LURAP1L: variants seen among roughly 807,000 people sequenced by gnomAD.
LURAP1L encodes the protein leucine rich adaptor protein 1-like.
In LURAP1L, 12 loss-of-function variants were observed where a neutral mutation model predicts 13.8. The observed-to-expected ratio is 0.87, with a 90% CI of 0.56 to 1.41. LURAP1L has a LOEUF of 1.41. LURAP1L is among the 40% of genes most tolerant of loss of function. The pLI, the probability that LURAP1L is intolerant of heterozygous loss-of-function variation, is 0.00. For missense variants in LURAP1L, 375 were observed against 292.9 expected, an observed-to-expected ratio of 1.28 and a Z score of -2.04; for synonymous variants, 139 against 119.2, an observed-to-expected ratio of 1.17 and a Z score of -1.08.
chr9:12,800,006 A>C (rs1819562740), intron 1 of LURAP1L, among the ~76,000 whole-genome samples: 1 of 152,152 alleles, frequency 6.6e-6, no homozygotes. Flanking sequence ...ATATTATCTC[A>C]CATAGTTAAC....
At chr9:12,816,718 A>G (rs1003254934) in intron 1 of LURAP1L, among the ~76,000 whole-genome samples, 1 of 152,216 alleles carries the variant, frequency 6.6e-6, no homozygotes. Flanking sequence ...ATGACATGAA[A>G]TCTCAACATT....
At chr9:12,776,070 G>C in intron 1 of LURAP1L, 43 bp downstream of exon 1, 4 of 1,584,780 alleles carry the variant, frequency 2.5e-6, no homozygotes, top group East Asian at 2.2e-5. Flanking sequence ...ACCTGGGCTG[G>C]GCCAAAAGAT....
In LURAP1L at chr9:12,783,072, C is replaced by A. The variant is rs147784835; in HGVS notation, c.312+7045C>A. On this transcript the variant is annotated intron_variant, in intron 1 of 1. Transcript: ENST00000319264. ...TTTATGTTAATTTTGTATCCTACAACTTTACTCAACTTATCAGTTCTAATG... is the reference window on the plus strand; with the variant it reads ...TTTATGTTAATTTTGTATCCTACAAATTTACTCAACTTATCAGTTCTAATG... 2.4e-4 allele frequency among the ~76,000 whole-genome samples: 36 copies of A among 152,090 alleles called. No individual in the cohort carries two copies. In the East Asian group the frequency reaches 6.8e-3, roughly 29 times the overall value.
At position 12,814,031 on chromosome 9, in the gene LURAP1L, G is replaced by A. The variant is rs532371999; in HGVS notation, c.313-7355G>A. Among the ~76,000 whole-genome samples the A allele has an allele frequency of 4.6e-5, 7 of 152,300 alleles. No homozygotes were observed. In the South Asian group the frequency reaches 1.0e-3, roughly 23 times the overall value. On this transcript the variant is annotated intron_variant, in intron 1 of 1. Coordinates refer to ENST00000319264, the MANE Select transcript of LURAP1L (RefSeq NM_203403.2). ...TGTATATTTTATTATTATCTGTCAA[G>A]TGTGTGTTATACATCTTCTATATCA...
chr9:12,780,918 CAT>C (rs1291233209), intron 1 of LURAP1L, among the ~76,000 whole-genome samples: 2 of 152,096 alleles, frequency 1.3e-5, no homozygotes, highest in South Asian at 2.1e-4. Context: ...AGCCATTTAT[CAT>C]ATCTTTGTGT....
chr9:12,803,037 A>T (rs1401934877), intron 1 of LURAP1L, among the ~76,000 whole-genome samples: 2 of 152,142 alleles, frequency 1.3e-5, no homozygotes, highest in Non-Finnish European at 2.9e-5. Flanking sequence ...GCATTACCAC[A>T]TACTGTCTGT....
intron 1 of LURAP1L, among the ~76,000 whole-genome samples, chr9:12,813,079 T>C (rs1819759609): frequency 6.6e-6 from 1 of 152,140 alleles, no homozygotes; most frequent in African/African-American, 2.4e-5. Flanking sequence ...AATGCAAGTC[T>C]CTAATCTGCT....
chr9:12,800,134 T>G (rs1819564302), intron 1 of LURAP1L, among the ~76,000 whole-genome samples: 1 of 152,196 alleles, frequency 6.6e-6, no homozygotes, highest in African/African-American at 2.4e-5. Flanking sequence ...CCTAGAACTA[T>G]TTATCCAACA....
intron 1 of LURAP1L, among the ~76,000 whole-genome samples, chr9:12,780,709 T>A (rs983490756): frequency 1.3e-5 from 2 of 148,670 alleles, no homozygotes; most frequent in African/African-American, 4.9e-5. Context: ...TACCAATGGA[T>A]CTTTTGGCAT....
chr9:12,777,855 A>G (rs1008539197), intron 1 of LURAP1L, among the ~76,000 whole-genome samples: 8 of 152,214 alleles, frequency 5.3e-5, no homozygotes, highest in African/African-American at 1.4e-4. Context: ...GTTTATTTCC[A>G]TGGTAACGTG....
At chr9:12,800,454 T>A (rs1215424382) in intron 1 of LURAP1L, among the ~76,000 whole-genome samples, 1 of 151,916 alleles carries the variant, frequency 6.6e-6, no homozygotes. Context: ...TTATAGGGTG[T>A]CCAACTGACT....
chr9:12,807,553 T>G (rs1819676797), intron 1 of LURAP1L, among the ~76,000 whole-genome samples: 1 of 152,154 alleles, frequency 6.6e-6, no homozygotes, highest in Admixed American at 6.5e-5. Context: ...CATAGTGAAA[T>G]TAATCTGTAA....
intron 1 of LURAP1L, among the ~76,000 whole-genome samples, chr9:12,785,142 C>G (rs190518319): frequency 5.3e-5 from 8 of 152,242 alleles, no homozygotes; most frequent in Non-Finnish European, 1.2e-4. Flanking sequence ...CAGGGTGTGT[C>G]TAGAAACGTC....
chr9:12,799,383 T>C (rs1394191743), intron 1 of LURAP1L, among the ~76,000 whole-genome samples: 5 of 152,212 alleles, frequency 3.3e-5, no homozygotes, highest in Non-Finnish European at 5.9e-5. Flanking sequence ...GTAATACATA[T>C]AATATCAGTG....
Position 12,775,623 on chromosome 9 carries a change from G to C in LURAP1L, c.-93G>C, listed in dbSNP as rs1460706973. 2.7e-6 allele frequency: 4 copies of C among 1,482,502 alleles called. No homozygotes were observed. Among genetic ancestry groups the C allele is most frequent in the Non-Finnish European group, 3.6e-6 (4 of 1,119,140 alleles). The allele number at this position is 1,482,502 out of a possible 1,614,324, so 91.8% of individuals were successfully genotyped here. ...GCGGAGGATAGAGACCCTGGCCCCC[G>C]GAGAGGTCTGCTGATTTCGCAGCAG... On this transcript the variant is annotated 5_prime_UTR_variant, in exon 1 of 2. Transcript: ENST00000319264.
intron 1 of LURAP1L, among the ~76,000 whole-genome samples, chr9:12,797,896 T>G (rs1412704124): frequency 3.9e-5 from 6 of 152,154 alleles, no homozygotes. Flanking sequence ...TTCATTTTGT[T>G]TGTTTTCTTT....
At chr9:12,812,963 T>G (rs1486265677) in intron 1 of LURAP1L, among the ~76,000 whole-genome samples, 2 of 152,306 alleles carry the variant, frequency 1.3e-5, no homozygotes, top group Non-Finnish European at 2.9e-5. Flanking sequence ...CACTAAAAAC[T>G]TTGGTATAAA....
Position 12,821,589 on chromosome 9 carries a change from T to C in LURAP1L, c.516T>C (p.Asp172=), listed in dbSNP as rs1286651716. The C allele has an allele frequency of 6.8e-6, 11 of 1,614,064 alleles. No individual in the cohort carries two copies. In the East Asian group the frequency reaches 1.1e-4, roughly 16 times the overall value. The change falls in exon 2 of 2, where the codon GAT becomes GAC. Residue 172 remains aspartate (D), a synonymous_variant. Coordinates refer to ENST00000319264, the MANE Select transcript of LURAP1L (RefSeq NM_203403.2). The stretch of plus-strand genomic sequence containing the variant: ...ACAACAGCCTACACGATGGCAGTGA[T>C]GGGCTGGATGGCATTTCCGTGGGAA... ...GSYNSLHDGS[D]GLDGISVGSY...
chr9:12,778,846 G>C (rs1819227782), intron 1 of LURAP1L, among the ~76,000 whole-genome samples: 1 of 152,204 alleles, frequency 6.6e-6, no homozygotes, highest in Non-Finnish European at 1.5e-5. Context: ...GAAATCTGAG[G>C]AACTTAAACC....
Sources: gnomAD v4.1 joint callset for allele counts (sites outside exome capture counted in the v4.1 genomes callset) on GRCh38, gnomAD v4.1.1 for gene constraint, MANE v1.5 for transcripts, NCBI Gene and HGNC (gene_info 2026-07-23, HGNC 2026-07-21) for gene names.